Variants in FGD4 observed in about 807,000 individuals in gnomAD.
The protein encoded by FGD4 is FYVE, RhoGEF and PH domain-containing protein 4.
Under a neutral mutation model 102.0 loss-of-function variants are expected in FGD4, and 42 were observed. The ratio of observed to expected loss-of-function variants is 0.41; its 90% CI spans 0.32 to 0.53. FGD4 has a LOEUF of 0.53. Ranked by LOEUF, FGD4 falls within the 20% of genes least tolerant of loss-of-function variation. The pLI, the probability that FGD4 is intolerant of heterozygous loss-of-function variation, is 0.21. For missense variants in FGD4, 902 were observed against 1,078.2 expected (o/e 0.84, Z 2.29); for synonymous variants, 380 against 375.7 (o/e 1.01, Z -0.13).
At chr12:32,609,725 G>A (rs1949023727) in intron 8 of FGD4, among the ~76,000 whole-genome samples, 1 of 152,128 alleles carries the variant, frequency 6.6e-6, no homozygotes, top group South Asian at 2.1e-4. Context: ...AGAAATGAAA[G>A]CAACAAAATG....
intron 11 of FGD4, 82 bp from the exon 12 acceptor site, chr12:32,624,340 A>G: frequency 1.8e-6 from 2 of 1,128,572 alleles, no homozygotes; most frequent in Non-Finnish European, 2.6e-6. Flanking sequence ...AGAAAGTTGG[A>G]ACAACAGGAA....
intron 1 of FGD4, among the ~76,000 whole-genome samples, chr12:32,479,920 C>G (rs1213857509): frequency 1.3e-5 from 2 of 150,142 alleles, no homozygotes; most frequent in Admixed American, 6.7e-5. Context: ...TCCCAAGTAA[C>G]TGGGACCACA....
chr12:32,571,777 A>G (rs1277533694), intron 2 of FGD4, among the ~76,000 whole-genome samples: 1 of 152,152 alleles, frequency 6.6e-6, no homozygotes, highest in African/African-American at 2.4e-5. Flanking sequence ...CCAAAGCCTG[A>G]AGGCCTGAAA....
intron 2 of FGD4, among the ~76,000 whole-genome samples, chr12:32,570,609 T>C (rs1400731433): frequency 1.3e-5 from 2 of 152,032 alleles, no homozygotes; most frequent in Non-Finnish European, 2.9e-5. Context: ...GCCCGGCTAA[T>C]TTTTGTATTT....
chr12:32,623,726 C>CG (rs1259861994), intron 11 of FGD4, among the ~76,000 whole-genome samples: 1 of 152,246 alleles, frequency 6.6e-6, no homozygotes, highest in East Asian at 1.9e-4. Context: ...AAGCCAGCAA[C>CG]GTAACCTACC....
intron 1 of FGD4, among the ~76,000 whole-genome samples, chr12:32,562,044 C>T (rs1049620637): frequency 2.0e-5 from 3 of 152,106 alleles, no homozygotes; most frequent in Non-Finnish European, 4.4e-5. Flanking sequence ...AGTTTCAAAT[C>T]GAGCCATTCT....
At chr12:32,476,307 T>A (rs941497355) in intron 1 of FGD4, among the ~76,000 whole-genome samples, 1 of 152,212 alleles carries the variant, frequency 6.6e-6, no homozygotes, top group Non-Finnish European at 1.5e-5. Flanking sequence ...TAATTAATAA[T>A]TTCAAAATTT....
intron 1 of FGD4, among the ~76,000 whole-genome samples, chr12:32,484,815 T>C (rs912050660): frequency 6.6e-6 from 1 of 151,988 alleles, no homozygotes; most frequent in African/African-American, 2.4e-5. Context: ...GAGGTTGCAG[T>C]GAGCCAAGAT....
intron 10 of FGD4, 54 bp from the exon 11 acceptor site, chr12:32,619,644 G>T (rs1949679180): frequency 6.3e-7 from 1 of 1,594,984 alleles, no homozygotes; most frequent in Non-Finnish European, 8.6e-7. Flanking sequence ...AAAAAAACCT[G>T]ATCAGTTTCC....
At chr12:32,541,501 G>C (rs1160679065) in intron 1 of FGD4, among the ~76,000 whole-genome samples, 1 of 152,088 alleles carries the variant, frequency 6.6e-6, no homozygotes, top group African/African-American at 2.4e-5. Context: ...GAGTAGCTGG[G>C]ATTAGAGGCG....
chr12:32,523,615 T>G (rs2136757718), intron 1 of FGD4, among the ~76,000 whole-genome samples: 1 of 152,344 alleles, frequency 6.6e-6, no homozygotes, highest in African/African-American at 2.4e-5. Context: ...CACGGAGGGA[T>G]GGAGCAGAGA....
At chr12:32,520,444 T>TTTTTTG (rs1940411333) in intron 1 of FGD4, among the ~76,000 whole-genome samples, 1 of 149,726 alleles carries the variant, frequency 6.7e-6, no homozygotes. Flanking sequence ...TTTTTTGTTT[T>TTTTTTG]TTTTTTTTAG....
At chr12:32,450,496 T>TA (rs1424388064) in intron 1 of FGD4, among the ~76,000 whole-genome samples, 2 of 152,218 alleles carry the variant, frequency 1.3e-5, no homozygotes, top group African/African-American at 4.8e-5. Flanking sequence ...GACAAGTTCT[T>TA]ATAATTCTTT....
chr12:32,558,514 G>C (rs1383177388), intron 1 of FGD4, among the ~76,000 whole-genome samples: 2 of 152,198 alleles, frequency 1.3e-5, no homozygotes, highest in Non-Finnish European at 2.9e-5. Flanking sequence ...AGAGAACTGA[G>C]TGGATTTTGC....
intron 1 of FGD4, among the ~76,000 whole-genome samples, chr12:32,411,494 G>A (rs1024100387): frequency 4.0e-5 from 6 of 151,646 alleles, no homozygotes; most frequent in Non-Finnish European, 5.9e-5. Flanking sequence ...AGATCGCGCC[G>A]CCACACTCCA....
chr12:32,615,898 CA>C (rs1049638961), intron 10 of FGD4, among the ~76,000 whole-genome samples: 10 of 152,088 alleles, frequency 6.6e-5, no homozygotes, highest in Admixed American at 3.9e-4. Flanking sequence ...GTGTTTAATA[CA>C]GGGGGTGACT....
At chr12:32,406,116 T>C (rs544651583) in intron 1 of FGD4, among the ~76,000 whole-genome samples, 1 of 152,102 alleles carries the variant, frequency 6.6e-6, no homozygotes, top group South Asian at 2.1e-4. Context: ...GCTAATTTTG[T>C]ATTTTTAGTA....
chr12:32,581,105 C>T (rs573100095), intron 3 of FGD4, among the ~76,000 whole-genome samples: 2 of 152,054 alleles, frequency 1.3e-5, no homozygotes, highest in East Asian at 3.9e-4. Context: ...AACAGAACCC[C>T]GAATGATAAG....
intron 1 of FGD4, among the ~76,000 whole-genome samples, chr12:32,511,026 G>A (rs1428293566): frequency 2.0e-5 from 3 of 152,218 alleles, no homozygotes; most frequent in African/African-American, 7.2e-5. Flanking sequence ...TGAAGAGGGT[G>A]ATAGGCAGGG....
Sources: gnomAD v4.1 joint callset for allele counts (sites outside exome capture counted in the v4.1 genomes callset) on GRCh38, gnomAD v4.1.1 for gene constraint, MANE v1.5 for transcripts, NCBI Gene and HGNC (gene_info 2026-07-23, HGNC 2026-07-21) for gene names.